SPAG16: variants seen among roughly 807,000 people sequenced by gnomAD.
SPAG16 encodes the protein sperm-associated antigen 16 protein.
In SPAG16, 86 loss-of-function variants were observed where a neutral mutation model predicts 80.4. That is an observed-to-expected ratio of 1.07 (90% CI 0.90 to 1.28). SPAG16 has a LOEUF of 1.28. SPAG16 is among the 50% of genes most tolerant of loss of function. The pLI is 0.00. For synonymous variants in SPAG16, 294 were observed against 265.9 expected, an observed-to-expected ratio of 1.11 and a Z score of -1.03; for missense variants, 870 against 765.3, an observed-to-expected ratio of 1.14 and a Z score of -1.61.
chr2:213,547,641 G>A (rs1177824493), intron 10 of SPAG16, among the ~76,000 whole-genome samples: 1 of 152,014 alleles, frequency 6.6e-6, no homozygotes, highest in African/African-American at 2.4e-5. Flanking sequence ...AAATCAAATG[G>A]CTATAAAATT....
intron 9 of SPAG16, among the ~76,000 whole-genome samples, chr2:213,457,383 A>G (rs966016087): frequency 1.3e-5 from 2 of 152,162 alleles, no homozygotes; most frequent in Non-Finnish European, 2.9e-5. Flanking sequence ...ATTTGAGCAG[A>G]CTGTTCTGAA....
intron 12 of SPAG16, among the ~76,000 whole-genome samples, chr2:214,008,128 AT>A (rs1173513183): frequency 6.6e-6 from 1 of 151,704 alleles, no homozygotes; most frequent in Non-Finnish European, 1.5e-5. Flanking sequence ...TCTCACTACT[AT>A]TTTTTCCTTC....
At chr2:213,902,979 T>A (rs1223997849) in intron 11 of SPAG16, among the ~76,000 whole-genome samples, 1 of 152,222 alleles carries the variant, frequency 6.6e-6, no homozygotes, top group Non-Finnish European at 1.5e-5. Context: ...ATGATCTCCT[T>A]TGACTCCAAG....
intron 10 of SPAG16, among the ~76,000 whole-genome samples, chr2:213,667,600 GT>G (rs2063656359): frequency 6.6e-6 from 1 of 152,180 alleles, no homozygotes; most frequent in Non-Finnish European, 1.5e-5. Context: ...AGAGATTGAC[GT>G]TGGAGAGATC....
chr2:213,997,684 AAAG>A lies in SPAG16; in HGVS notation c.1401-16258_1401-16256del, dbSNP rs541293780. ...CTTTTGGCTTCCCCAGGCCACATTG[AAAG>A]AAGAAGAATTGTCTTGGGCCACACA... On this transcript the variant is annotated intron_variant, in intron 12 of 15. Coordinates refer to ENST00000331683, the MANE Select transcript of SPAG16 (RefSeq NM_024532.5). Among the ~76,000 whole-genome samples, 808 of 152,346 alleles carry A rather than the reference AAAG, an allele frequency of 5.3e-3. 6 individuals are homozygous for A. Among genetic ancestry groups the A allele is most frequent in the African/African-American group, 0.019 (780 of 41,578 alleles).
intron 10 of SPAG16, among the ~76,000 whole-genome samples, chr2:213,788,389 T>C (rs1045202223): frequency 6.6e-6 from 1 of 151,988 alleles, no homozygotes; most frequent in Non-Finnish European, 1.5e-5. Flanking sequence ...ATAAACATTA[T>C]GAAAACTTAT....
At chr2:213,387,344 A>G (rs1484176900) in intron 9 of SPAG16, among the ~76,000 whole-genome samples, 3 of 150,936 alleles carry the variant, frequency 2.0e-5, no homozygotes, top group Non-Finnish European at 4.4e-5. Context: ...AGGAAATTAG[A>G]AAAGATAAGG....
intron 15 of SPAG16, chr2:214,238,522 T>C (rs1559148197): frequency 6.5e-6 from 1 of 153,094 alleles, no homozygotes; most frequent in Non-Finnish European, 1.5e-5. Flanking sequence ...GCCAAGTTCA[T>C]ACAGCAACAC....
intron 15 of SPAG16, among the ~76,000 whole-genome samples, chr2:214,300,919 T>C (rs1694497618): frequency 6.6e-6 from 1 of 151,420 alleles, no homozygotes. Flanking sequence ...AAAAAATTAT[T>C]ACTCTAGTAC....
chr2:214,095,652 GA>G (rs1336577254), intron 13 of SPAG16, among the ~76,000 whole-genome samples: 1 of 151,786 alleles, frequency 6.6e-6, no homozygotes, highest in East Asian at 1.9e-4. Context: ...ATGTATTATA[GA>G]AAAAAATGAA....
intron 9 of SPAG16, among the ~76,000 whole-genome samples, chr2:213,454,833 T>C (rs2071904064): frequency 6.6e-6 from 1 of 152,228 alleles, no homozygotes; most frequent in South Asian, 2.1e-4. Flanking sequence ...GTTTACGTTA[T>C]TGTCTTATTA....
intron 10 of SPAG16, among the ~76,000 whole-genome samples, chr2:213,774,961 C>A (rs2069481859): frequency 6.6e-6 from 1 of 152,070 alleles, no homozygotes; most frequent in Non-Finnish European, 1.5e-5. Flanking sequence ...TTCAGCAGGC[C>A]CAGTGTACCT....
chr2:214,256,604 CTGA>C (rs1466251541), intron 15 of SPAG16, among the ~76,000 whole-genome samples: 1 of 151,722 alleles, frequency 6.6e-6, no homozygotes, highest in Admixed American at 6.6e-5. Context: ...TGATTGTTAC[CTGA>C]TGATTTCAGC....
intron 15 of SPAG16, among the ~76,000 whole-genome samples, chr2:214,310,325 T>G (rs1356520505): frequency 6.6e-6 from 1 of 152,154 alleles, no homozygotes; most frequent in Non-Finnish European, 1.5e-5. Flanking sequence ...TATAGATAGC[T>G]TTTGTGTGGT....
chr2:213,422,098 C>T, intron 9 of SPAG16: 1 of 662,982 alleles, frequency 1.5e-6, no homozygotes, highest in Non-Finnish European at 2.8e-6. Context: ...AGCTGTAACC[C>T]AAACAGGGCT....
At chr2:214,348,360 T>C (rs1698193605) in intron 15 of SPAG16, among the ~76,000 whole-genome samples, 1 of 152,176 alleles carries the variant, frequency 6.6e-6, no homozygotes, top group South Asian at 2.1e-4. Flanking sequence ...GCTCTGACAA[T>C]TTTTTGACAT....
intron 6 of SPAG16, among the ~76,000 whole-genome samples, chr2:213,346,668 A>G (rs989232726): frequency 1.3e-5 from 2 of 152,066 alleles, no homozygotes; most frequent in African/African-American, 4.8e-5. Flanking sequence ...CTCTGTTTAT[A>G]TGCTGGATTA....
intron 13 of SPAG16, among the ~76,000 whole-genome samples, chr2:214,055,338 C>A (rs187644228): frequency 6.6e-6 from 1 of 152,186 alleles, no homozygotes; most frequent in Non-Finnish European, 1.5e-5. Flanking sequence ...TATCGAATAG[C>A]CCATTTTGCA....
At chr2:214,384,241 C>G (rs1700622741) in intron 15 of SPAG16, among the ~76,000 whole-genome samples, 1 of 152,180 alleles carries the variant, frequency 6.6e-6, no homozygotes, top group Non-Finnish European at 1.5e-5. Context: ...CAATGCCTAT[C>G]TGCACTGTTT....
Sources: allele counts gnomAD v4.1 joint callset (sites outside exome capture counted in the v4.1 genomes callset), GRCh38; gene constraint gnomAD v4.1.1; transcripts MANE v1.5; gene names NCBI Gene and HGNC (gene_info 2026-07-23, HGNC 2026-07-21).